Variants in GSTCD observed in about 807,000 individuals in gnomAD.
GSTCD encodes the protein glutathione S-transferase C-terminal domain containing.
GSTCD carries 44 observed loss-of-function variants against 68.3 expected under a neutral mutation model. That is an observed-to-expected ratio of 0.64 (90% CI 0.51 to 0.83). The LOEUF (loss-of-function observed/expected upper bound fraction) is 0.83. GSTCD is among the 40% of genes least tolerant of loss of function. The pLI, the probability that GSTCD is intolerant of heterozygous loss-of-function variation, is 0.00. For missense variants in GSTCD, 739 were observed against 735.9 expected (o/e 1.00, Z -0.05); for synonymous variants, 273 against 255.2 (o/e 1.07, Z -0.67).
At chr4:105,780,967 T>C (rs2149249367) in intron 5 of GSTCD, among the ~76,000 whole-genome samples, 1 of 152,284 alleles carries the variant, frequency 6.6e-6, no homozygotes, top group South Asian at 2.1e-4. Context: ...CAAGCAGGCC[T>C]GAATTTAAAG....
intron 5 of GSTCD, among the ~76,000 whole-genome samples, chr4:105,769,212 A>T (rs1734735561): frequency 6.8e-6 from 1 of 146,872 alleles, no homozygotes. Context: ...AGTTATTTTT[A>T]AAAATATACT....
At chr4:105,794,827 CTATCTATCTATT>C (rs1458906188) in intron 5 of GSTCD, among the ~76,000 whole-genome samples, 1,083 of 100,966 alleles carry the variant, frequency 0.011, 11 homozygotes, top group African/African-American at 0.089. Context: ...CTGCTTTTAT[CTATCTATCTATT>C]TATCTATCTA....
chr4:105,762,123 A>G (rs1282306734), intron 5 of GSTCD, among the ~76,000 whole-genome samples: 1 of 152,240 alleles, frequency 6.6e-6, no homozygotes, highest in Non-Finnish European at 1.5e-5. Context: ...TCTCATATGG[A>G]AAATAGTCAG....
chr4:105,742,084 CTCTT>C (rs796573478), intron 5 of GSTCD, among the ~76,000 whole-genome samples: 10 of 152,280 alleles, frequency 6.6e-5, no homozygotes, highest in South Asian at 4.1e-4. Context: ...CAACGACTGA[CTCTT>C]TATGCTGAAT....
chr4:105,823,335 A>T (rs368380821), intron 7 of GSTCD, 60 bp downstream of exon 7: 3 of 1,534,900 alleles, frequency 2.0e-6, no homozygotes, highest in African/African-American at 2.7e-5. Flanking sequence ...CAGCTAGCCA[A>T]ATTTGGTTTA....
At chr4:105,775,622 T>A (rs1178555642) in intron 5 of GSTCD, among the ~76,000 whole-genome samples, 1 of 152,234 alleles carries the variant, frequency 6.6e-6, no homozygotes, top group Non-Finnish European at 1.5e-5. Context: ...GCAGGTCTGC[T>A]GGAGTTTGCT....
At chr4:105,802,121 C>T (rs1736126803) in intron 5 of GSTCD, among the ~76,000 whole-genome samples, 1 of 152,064 alleles carries the variant, frequency 6.6e-6, no homozygotes, top group African/African-American at 2.4e-5. Flanking sequence ...TGGGATAGTA[C>T]AGTATATAAA....
intron 1 of GSTCD, among the ~76,000 whole-genome samples, chr4:105,710,232 ATTTTTTTTTT>A (rs761574598): frequency 3.5e-5 from 3 of 85,722 alleles, no homozygotes; most frequent in African/African-American, 5.6e-5. Context: ...GGGCCCATCA[ATTTTTTTTTT>A]TTTTTTTTTT....
At chr4:105,835,593 T>C (rs1657359756) in intron 9 of GSTCD, among the ~76,000 whole-genome samples, 1 of 151,958 alleles carries the variant, frequency 6.6e-6, no homozygotes, top group South Asian at 2.1e-4. Context: ...CTCAGGGAGC[T>C]CCTATGACTG....
intron 1 of GSTCD, among the ~76,000 whole-genome samples, chr4:105,716,650 T>G (rs1732689748): frequency 6.6e-6 from 1 of 152,176 alleles, no homozygotes; most frequent in Non-Finnish European, 1.5e-5. Context: ...TGATCTGAGG[T>G]GAAACAGTTT....
At chr4:105,757,216 C>A (rs1578442389) in intron 5 of GSTCD, among the ~76,000 whole-genome samples, 1 of 151,860 alleles carries the variant, frequency 6.6e-6, no homozygotes, top group African/African-American at 2.4e-5. Context: ...TTATAATAAC[C>A]CTTTATTGGA....
intron 5 of GSTCD, among the ~76,000 whole-genome samples, chr4:105,760,434 T>C (rs1276498007): frequency 6.6e-6 from 1 of 152,224 alleles, no homozygotes; most frequent in Non-Finnish European, 1.5e-5. Flanking sequence ...AATCCTCTCT[T>C]TTCTGAGACT....
At chr4:105,808,390 C>T (rs1054536517) in intron 5 of GSTCD, among the ~76,000 whole-genome samples, 1 of 152,060 alleles carries the variant, frequency 6.6e-6, no homozygotes, top group African/African-American at 2.4e-5. Context: ...CAAATTCTGT[C>T]AGCTCTGTTT....
At chr4:105,756,565 T>C (rs1734203397) in intron 5 of GSTCD, among the ~76,000 whole-genome samples, 2 of 77,362 alleles carry the variant, frequency 2.6e-5, no homozygotes, top group East Asian at 1.1e-3. Context: ...TGTATATATA[T>C]GTGTGTGTGT....
At chr4:105,740,655 A>G (rs1227584463) in intron 5 of GSTCD, among the ~76,000 whole-genome samples, 1 of 152,062 alleles carries the variant, frequency 6.6e-6, no homozygotes, top group Non-Finnish European at 1.5e-5. Context: ...CAGACAAGTT[A>G]CCTTTTATCA....
chr4:105,739,048 A>T (rs1733549725), intron 5 of GSTCD, among the ~76,000 whole-genome samples: 1 of 152,204 alleles, frequency 6.6e-6, no homozygotes, highest in Non-Finnish European at 1.5e-5. Flanking sequence ...ATCACAAAGG[A>T]TGTTGAATTT....
intron 5 of GSTCD, among the ~76,000 whole-genome samples, chr4:105,809,905 C>T (rs1722687846): frequency 1.3e-5 from 2 of 151,856 alleles, no homozygotes; most frequent in Admixed American, 1.3e-4. Flanking sequence ...TATAGTGTTG[C>T]TGCTGCTACT....
Position 105,717,737 on chromosome 4 carries a change from G to C in GSTCD, c.124G>C (p.Asp42His). 1 of 1,613,760 alleles carries C rather than the reference G, an allele frequency of 6.2e-7. No homozygotes were observed. The highest frequency in any genetic ancestry group is 8.5e-7 in the Non-Finnish European group (1 of 1,179,738). ...SVTLFLLSYC[D>H]CKIFKICLVV... ...AACTTTATTTCTGTTATCTTACTGT[G>C]ACTGTAAAATCTTTAAAATTTGCTT... The change falls in exon 2 of 12, where the codon GAC becomes CAC. Residue 42 changes from aspartate (D) to histidine (H), a missense_variant. Physicochemically the swap from Asp to His is moderately conservative, Grantham distance 81 (BLOSUM62 -1). Transcript: ENST00000515279.
At chr4:105,738,127 C>T (rs140559843) in intron 5 of GSTCD, among the ~76,000 whole-genome samples, 22 of 152,248 alleles carry the variant, frequency 1.4e-4, no homozygotes, top group Non-Finnish European at 1.9e-4. Flanking sequence ...GAATTGTGAA[C>T]CAAATAAACC....
Sources: allele counts gnomAD v4.1 joint callset (sites outside exome capture counted in the v4.1 genomes callset), GRCh38; gene constraint gnomAD v4.1.1; transcripts MANE v1.5; gene names NCBI Gene and HGNC (gene_info 2026-07-23, HGNC 2026-07-21).